Variants in SPICE1 observed in about 807,000 individuals in gnomAD.
SPICE1 encodes the protein spindle and centriole associated protein 1.
In SPICE1, 75 loss-of-function variants were observed where a neutral mutation model predicts 102.7. The observed-to-expected ratio is 0.73, with a 90% CI of 0.61 to 0.88. The LOEUF (loss-of-function observed/expected upper bound fraction) is 0.88, where lower values mean the gene tolerates loss of function less well. SPICE1 is among the 40% of genes least tolerant of loss of function. The pLI, the probability that SPICE1 is intolerant of heterozygous loss-of-function variation, is 0.00. For missense variants in SPICE1, 979 were observed against 1,020.1 expected (o/e 0.96, Z 0.55); for synonymous variants, 308 against 350.3 (o/e 0.88, Z 1.35).
chr3:113,490,653 A>G (rs1936745638), intron 6 of SPICE1, among the ~76,000 whole-genome samples: 1 of 152,032 alleles, frequency 6.6e-6, no homozygotes, highest in African/African-American at 2.4e-5. Flanking sequence ...AAAAAGAAAA[A>G]AAAAAATCCC....
chr3:113,445,341 T>C lies in SPICE1; in HGVS notation c.2534A>G (p.Glu845Gly). ...ATGGGTAGAAAGAGCAAACCAGCCT[T>C]CTTCATTCTGTTTCTCAATCTGTTG... ...PRAKIEKQNE[E>G]GWFALSTHVS Residue 845 changes from glutamate to glycine, a missense_variant, in exon 18 of 18, where the codon GAA (glutamate) becomes GGA (glycine). Glu to Gly is a moderately conservative substitution (Grantham distance 98, BLOSUM62 -2). Transcript: ENST00000295872. 6.2e-7 allele frequency: 1 copy of C among 1,612,730 alleles called. No homozygotes were observed. The highest frequency in any genetic ancestry group is 2.2e-5 in the East Asian group (1 of 44,740).
intron 1 of SPICE1, among the ~76,000 whole-genome samples, chr3:113,507,031 T>C (rs1937126534): frequency 6.6e-6 from 1 of 152,178 alleles, no homozygotes; most frequent in South Asian, 2.1e-4. Flanking sequence ...TTAAGCACTC[T>C]AACACTCAAA....
chr3:113,508,877 A>G (rs1937163417), intron 1 of SPICE1, among the ~76,000 whole-genome samples: 1 of 152,142 alleles, frequency 6.6e-6, no homozygotes, highest in African/African-American at 2.4e-5. Flanking sequence ...TGATGAATGT[A>G]TTAATAAAAT....
At chr3:113,461,071 A>G (rs1935922881) in intron 11 of SPICE1, among the ~76,000 whole-genome samples, 1 of 152,042 alleles carries the variant, frequency 6.6e-6, no homozygotes, top group Non-Finnish European at 1.5e-5. Flanking sequence ...AGGGCTTTCC[A>G]TTTACAAAAC....
chr3:113,465,507 A>G (rs879319698), intron 11 of SPICE1, 146 bp downstream of exon 11: 20 of 673,296 alleles, frequency 3.0e-5, no homozygotes, highest in East Asian at 5.4e-5. Context: ...TAAATGTTCA[A>G]TAATACCTGC....
intron 6 of SPICE1, among the ~76,000 whole-genome samples, chr3:113,490,470 C>T (rs1936741889): frequency 6.6e-6 from 1 of 151,916 alleles, no homozygotes; most frequent in Admixed American, 6.6e-5. Context: ...GGCAAAACCC[C>T]GTCTCCACCA....
At chr3:113,483,986 G>A (rs1257287753) in intron 7 of SPICE1, among the ~76,000 whole-genome samples, 2 of 152,100 alleles carry the variant, frequency 1.3e-5, no homozygotes, top group East Asian at 1.9e-4. Context: ...GGTAGAACTC[G>A]GCTGTGAATC....
intron 7 of SPICE1, among the ~76,000 whole-genome samples, chr3:113,480,933 A>AAGAC (rs1936484753): frequency 6.6e-6 from 1 of 151,814 alleles, no homozygotes; most frequent in African/African-American, 2.4e-5. Flanking sequence ...AGAAAGAAAA[A>AAGAC]AGACCTCAGT....
intron 11 of SPICE1, 95 bp downstream of exon 11, chr3:113,465,558 C>T (rs1031411755): frequency 9.3e-7 from 1 of 1,076,160 alleles, no homozygotes; most frequent in Non-Finnish European, 1.3e-6. Flanking sequence ...CACATCGATA[C>T]AGTTAAACCA....
At chr3:113,474,485 A>AT (rs1261761718) in intron 7 of SPICE1, among the ~76,000 whole-genome samples, 1 of 152,108 alleles carries the variant, frequency 6.6e-6, no homozygotes, top group South Asian at 2.1e-4. Flanking sequence ...CAGAATATAC[A>AT]TTTTTTTCAG....
intron 6 of SPICE1, among the ~76,000 whole-genome samples, chr3:113,491,624 C>CAAAAA (rs869171154): frequency 0.011 from 421 of 38,096 alleles, 30 homozygotes; most frequent in African/African-American, 0.023. Flanking sequence ...GACTCCGTCT[C>CAAAAA]AAAAAAAAAA....
chr3:113,485,302 G>A (rs6768979), intron 7 of SPICE1, among the ~76,000 whole-genome samples: 31,784 of 151,790 alleles, frequency 0.21, 3,604 homozygotes, highest in African/African-American at 0.3. Flanking sequence ...CCCACACCAC[G>A]GAGCCCAGCA....
chr3:113,513,771 C>T (rs1937264740), intron 1 of SPICE1, among the ~76,000 whole-genome samples: 1 of 152,166 alleles, frequency 6.6e-6, no homozygotes, highest in Non-Finnish European at 1.5e-5. Flanking sequence ...TCTAATTAGT[C>T]TCCCTTTCAC....
rs757802690 is a variant in SPICE1 at position 113,499,478 on chromosome 3, A to C, written c.252T>G (p.Thr84=). 8.7e-6 allele frequency: 14 copies of C among 1,613,226 alleles called. No homozygotes were observed. The African/African-American group carries it at 1.5e-4, about 17-fold the overall frequency. The part of the protein sequence containing the change: ...KRKWRKQKPE[T]LNLEKRRLSI... ...ACAATCTTCTTTTCTCAAGATTTAA[A>C]GTTTCTGGTTTCTGCTTCCTCCATT... Residue 84 remains threonine, a synonymous_variant, in exon 4 of 18, where the codon ACT becomes ACG. Coordinates refer to ENST00000295872, the MANE Select transcript of SPICE1 (RefSeq NM_144718.4).
chr3:113,462,361 T>TG (rs1559960665), intron 11 of SPICE1, among the ~76,000 whole-genome samples: 1 of 152,252 alleles, frequency 6.6e-6, no homozygotes, highest in African/African-American at 2.4e-5. Flanking sequence ...GAAATAGTGA[T>TG]GCCTGCCATC....
In SPICE1 at chr3:113,442,974, A is replaced by G. The variant is rs1935421240; in HGVS notation, c.*2333T>C. On this transcript the variant is annotated 3_prime_UTR_variant, in exon 18 of 18. Transcript: ENST00000295872. ...GCATGTTTTCTTTCAATCTCTAGAC[A>G]TCTTTTCAGGTGAAATACCTCTAAA... The G allele has an allele frequency of 6.6e-6, 1 of 152,260 alleles. No individual in the cohort carries two copies. The highest frequency in any genetic ancestry group is 1.5e-5 in the Non-Finnish European group (1 of 68,040). 9.4% of individuals were successfully genotyped at this position (152,260 alleles called of 1,614,324 possible). A position where few individuals can be genotyped will look rare whatever the true frequency, so the allele number is the denominator to read the frequency against.
chr3:113,488,680 G>A (rs1229237598), intron 7 of SPICE1, among the ~76,000 whole-genome samples: 3 of 152,162 alleles, frequency 2.0e-5, no homozygotes, highest in Non-Finnish European at 2.9e-5. Flanking sequence ...TGGTGCTCAT[G>A]TGCATGCATG....
rs1178005620 is a variant in SPICE1, at chr3:113,443,453, A to C, written c.*1854T>G. The stretch of plus-strand genomic sequence containing the variant: ...TCATTAGACAACTTTCTTCACCTCT[A>C]GGGCTCAGCATCCTCATCTGTAAAG... On this transcript the variant is annotated 3_prime_UTR_variant, in exon 18 of 18. Transcript: ENST00000295872. 1 of 152,196 alleles carries C rather than the reference A, an allele frequency of 6.6e-6. No individual in the cohort carries two copies. The highest frequency in any genetic ancestry group is 2.4e-5 in the African/African-American group (1 of 41,446). 9.4% of individuals were successfully genotyped at this position (152,196 alleles called of 1,614,324 possible). A position where few individuals can be genotyped will look rare whatever the true frequency, so the allele number is the denominator to read the frequency against.
At chr3:113,452,913 G>C (rs1319671459) in intron 14 of SPICE1, among the ~76,000 whole-genome samples, 1 of 152,154 alleles carries the variant, frequency 6.6e-6, no homozygotes, top group Admixed American at 6.5e-5. Flanking sequence ...GGGAGGCAGA[G>C]GTTGCAGTGA....
Sources: allele counts gnomAD v4.1 joint callset (sites outside exome capture counted in the v4.1 genomes callset), GRCh38; gene constraint gnomAD v4.1.1; transcripts MANE v1.5; gene names NCBI Gene and HGNC (gene_info 2026-07-23, HGNC 2026-07-21).